Variants in PHF14 observed in about 807,000 individuals in gnomAD.
The protein encoded by PHF14 is PHD finger protein 14.
Under a neutral mutation model 117.9 loss-of-function variants are expected in PHF14, and 55 were observed. The ratio of observed to expected loss-of-function variants is 0.47; its 90% CI spans 0.38 to 0.58. The LOEUF is 0.58. Ranked by LOEUF, PHF14 falls within the 20% of genes least tolerant of loss-of-function variation. PHF14 has a pLI of 0.00. For missense variants in PHF14, 978 were observed against 1,122.2 expected, an observed-to-expected ratio of 0.87 and a Z score of 1.84; for synonymous variants, 409 against 368.6, an observed-to-expected ratio of 1.11 and a Z score of -1.26.
intron 4 of PHF14, among the ~76,000 whole-genome samples, chr7:11,004,991 T>C (rs1345470913): frequency 6.6e-6 from 1 of 152,032 alleles, no homozygotes; most frequent in Admixed American, 6.6e-5. Context: ...CACTCCAGCC[T>C]GGGCAATAGA....
At chr7:11,069,599 T>G (rs1785539304) in intron 16 of PHF14, among the ~76,000 whole-genome samples, 3 of 145,138 alleles carry the variant, frequency 2.1e-5, no homozygotes, top group Non-Finnish European at 3.0e-5. Context: ...TGTGAACGTA[T>G]TCCCTCCCTC....
intron 14 of PHF14, 116 bp downstream of exon 14, chr7:11,051,896 G>T: frequency 2.5e-6 from 2 of 792,078 alleles, no homozygotes; most frequent in Admixed American, 3.0e-5. Flanking sequence ...GACATCTATT[G>T]GTTATTCTTA....
At chr7:10,997,627 A>G (rs1782706864) in intron 4 of PHF14, among the ~76,000 whole-genome samples, 1 of 152,236 alleles carries the variant, frequency 6.6e-6, no homozygotes, top group Non-Finnish European at 1.5e-5. Flanking sequence ...TAGTCATTTT[A>G]AGATTTGGCT....
chr7:11,097,810 C>T (rs1251142568), intron 16 of PHF14, among the ~76,000 whole-genome samples: 1 of 152,166 alleles, frequency 6.6e-6, no homozygotes, highest in African/African-American at 2.4e-5. Context: ...TCTTCCAAAT[C>T]TTGTTTGTCC....
At chr7:10,994,465 A>G (rs903006882) in intron 4 of PHF14, among the ~76,000 whole-genome samples, 1 of 152,218 alleles carries the variant, frequency 6.6e-6, no homozygotes, top group African/African-American at 2.4e-5. Flanking sequence ...AAGTGGTAGC[A>G]TGCTTAAGAG....
In PHF14 at chr7:10,982,719, G is replaced by A. The variant is rs913940843; in HGVS notation, c.460G>A (p.Ala154Thr). 3.7e-6 allele frequency: 6 copies of A among 1,612,400 alleles called. No homozygotes were observed. Among genetic ancestry groups the A allele is most frequent in the Admixed American group, 1.7e-5 (1 of 59,694 alleles). ...TGCTTCTGCTGCTGCCACCACACCA[G>A]CCACAAGTCCTCCTGCTGTTAACAC... ...VAASAAATTP[A>T]TSPPAVNTSP... The change falls in exon 3 of 18, where the codon GCC (alanine) becomes ACC (threonine). Residue 154 changes from alanine (A) to threonine (T), a missense_variant. Ala to Thr is a moderately conservative substitution (Grantham distance 58, BLOSUM62 0). Transcript: ENST00000634607.
At position 10,983,109 on chromosome 7, in the gene PHF14, G is replaced by A. The variant is rs769041219; in HGVS notation, c.850G>A (p.Glu284Lys). The A allele has an allele frequency of 6.3e-7, 1 of 1,599,262 alleles. No homozygotes were observed. Among genetic ancestry groups the A allele is most frequent in the Admixed American group, 1.7e-5 (1 of 59,990 alleles). Residue 284 changes from glutamate (E) to lysine (K), a missense_variant, in exon 3 of 18, where the codon GAG becomes AAG. Physicochemically the swap from Glu to Lys is moderately conservative, Grantham distance 56. Transcript: ENST00000634607. ...KVLSRNSADD[E>K]ELTNDSLTLS... Reference sequence around the variant, plus strand: ...TCTTAGCAGAAACAGTGCTGATGATGAGGAACTGACCAATGATAGCCTGAC... The same window carrying A: ...TCTTAGCAGAAACAGTGCTGATGATAAGGAACTGACCAATGATAGCCTGAC...
chr7:11,066,734 A>T (rs774744989), intron 16 of PHF14, among the ~76,000 whole-genome samples: 2 of 152,194 alleles, frequency 1.3e-5, no homozygotes, highest in African/African-American at 4.8e-5. Context: ...GGCTTTTTCA[A>T]TGTGGGCTTA....
At chr7:11,071,325 G>C (rs1352764847) in intron 16 of PHF14, 2 of 513,950 alleles carry the variant, frequency 3.9e-6, no homozygotes, top group Non-Finnish European at 7.8e-6. Flanking sequence ...AACATACTCA[G>C]TAGCATCTTC....
intron 16 of PHF14, among the ~76,000 whole-genome samples, chr7:11,095,867 A>C (rs1786834047): frequency 6.6e-6 from 1 of 151,986 alleles, no homozygotes; most frequent in Admixed American, 6.5e-5. Context: ...CCCTACTCTC[A>C]TCACCATTGA....
chr7:10,989,684 G>A (rs1348958637), intron 3 of PHF14, among the ~76,000 whole-genome samples: 7 of 152,274 alleles, frequency 4.6e-5, no homozygotes, highest in Admixed American at 2.0e-4. Context: ...AGGCTGAAGT[G>A]CAGTGGCGAG....
In PHF14 at chr7:11,130,831, C is replaced by T. The variant is rs984936864; in HGVS notation, c.2772+19364C>T. On this transcript the variant is annotated intron_variant, in intron 17 of 17. Transcript: ENST00000634607. This position sits in a 1 kb window ranked among gnomAD's most constrained non-coding sequence, Gnocchi z 4.2. Reference sequence around the variant, plus strand: ...TCTCCTGTGCTCTGCCTATTCACCACTCCCTCTCTACCATCAAACCACTGG... The same window carrying T: ...TCTCCTGTGCTCTGCCTATTCACCATTCCCTCTCTACCATCAAACCACTGG... 5.3e-5 allele frequency among the ~76,000 whole-genome samples: 8 copies of T among 151,942 alleles called. No homozygotes were observed. Among genetic ancestry groups the T allele is most frequent in the Non-Finnish European group, 1.0e-4 (7 of 67,922 alleles).
intron 10 of PHF14, among the ~76,000 whole-genome samples, chr7:11,037,475 C>G (rs1784351475): frequency 6.6e-6 from 1 of 152,118 alleles, no homozygotes; most frequent in Non-Finnish European, 1.5e-5. Flanking sequence ...ACTCATGTGA[C>G]TCTGTTCTCT....
At chr7:11,045,861 A>G (rs1186322497) in intron 13 of PHF14, among the ~76,000 whole-genome samples, 3 of 152,212 alleles carry the variant, frequency 2.0e-5, no homozygotes, top group Non-Finnish European at 4.4e-5. Context: ...GTTGGTAACA[A>G]CTTACTGTGG....
intron 17 of PHF14, among the ~76,000 whole-genome samples, chr7:11,115,483 G>A (rs1787570355): frequency 6.6e-6 from 1 of 151,942 alleles, no homozygotes; most frequent in South Asian, 2.1e-4. Context: ...ATGTTGAGGT[G>A]CATACTTAAG....
chr7:11,077,683 C>T (rs13232272), intron 16 of PHF14, among the ~76,000 whole-genome samples: 53,434 of 150,504 alleles, frequency 0.36, 10,114 homozygotes, highest in East Asian at 0.74. Context: ...AGATATACCT[C>T]GTACATAGTC....
At chr7:11,011,158 A>T (rs1742300234) in intron 4 of PHF14, among the ~76,000 whole-genome samples, 1 of 152,230 alleles carries the variant, frequency 6.6e-6, no homozygotes, top group Admixed American at 6.5e-5. Flanking sequence ...AACCACTGAC[A>T]TATAATGACG....
chr7:11,024,447 T>C (rs950851539), intron 6 of PHF14, among the ~76,000 whole-genome samples: 3 of 152,216 alleles, frequency 2.0e-5, no homozygotes, highest in Non-Finnish European at 2.9e-5. Flanking sequence ...TGGAAGAAGA[T>C]GCCATCTAGG....
chr7:11,010,570 G>T (rs115111170), intron 4 of PHF14, among the ~76,000 whole-genome samples: 1 of 151,614 alleles, frequency 6.6e-6, no homozygotes, highest in Non-Finnish European at 1.5e-5. Flanking sequence ...AGTTTAATTT[G>T]TAACTATTAA....
Sources: allele counts gnomAD v4.1 joint callset (sites outside exome capture counted in the v4.1 genomes callset), GRCh38; gene constraint gnomAD v4.1.1; non-coding constraint Gnocchi (gnomAD v3.1); transcripts MANE v1.5; gene names NCBI Gene and HGNC (gene_info 2026-07-23, HGNC 2026-07-21).